The following SPECC1 variants were observed in gnomAD, a reference collection of about 807,000 sequenced individuals.
SPECC1 encodes cytospin-B.
SPECC1 carries 62 observed loss-of-function variants against 104.1 expected under a neutral mutation model. The observed-to-expected ratio is 0.60, with a 90% CI of 0.49 to 0.74. The LOEUF (loss-of-function observed/expected upper bound fraction) is 0.74. Among genes scored for constraint, SPECC1 ranks in the 30% least tolerant of loss-of-function variants. The pLI is 0.00. For synonymous variants in SPECC1, 513 were observed against 501.6 expected (o/e 1.02, Z -0.30); for missense variants, 1,306 against 1,310.5 (o/e 1.00, Z 0.05).
At chr17:20,225,299 A>G (rs367972176) in intron 4 of SPECC1, among the ~76,000 whole-genome samples, 4 of 152,164 alleles carry the variant, frequency 2.6e-5, no homozygotes, top group African/African-American at 9.7e-5. Context: ...GTGCACTCCA[A>G]GTCCACTGTC....
At chr17:20,067,521 C>A (rs1042093112) in intron 1 of SPECC1, 10 of 152,244 alleles carry the variant, frequency 6.6e-5, no homozygotes, top group African/African-American at 2.2e-4. Context: ...ACTGCATACA[C>A]TTTACAATTT....
rs1281993429 is a variant in SPECC1 at position 20,316,936 on chromosome 17, G to A, written c.*2871G>A. 2 of 216,514 alleles carry A rather than the reference G, an allele frequency of 9.2e-6. No homozygotes were observed. Among genetic ancestry groups the A allele is most frequent in the Non-Finnish European group, 1.9e-5 (2 of 107,550 alleles). 13.4% of individuals were successfully genotyped at this position (216,514 alleles called of 1,614,324 possible). A position where few individuals can be genotyped will look rare whatever the true frequency, so the allele number is the denominator to read the frequency against. ...CTGGGAGCCCAAGTTGCCAATGACTGTGGCCAAACTCCCCCATTTTTGTCT... is the reference window on the plus strand; with the variant it reads ...CTGGGAGCCCAAGTTGCCAATGACTATGGCCAAACTCCCCCATTTTTGTCT... On this transcript the variant is annotated 3_prime_UTR_variant, in exon 15 of 15. Coordinates refer to ENST00000395527, the MANE Select transcript of SPECC1 (RefSeq NM_001243439.2).
At chr17:20,127,746 C>T (rs978135747) in intron 3 of SPECC1, among the ~76,000 whole-genome samples, 5 of 151,988 alleles carry the variant, frequency 3.3e-5, no homozygotes, top group South Asian at 2.1e-4. Context: ...TTGTTGTTCT[C>T]ATTGTTACTT....
At chr17:20,089,593 T>C (rs1438412190) in intron 1 of SPECC1, among the ~76,000 whole-genome samples, 1 of 152,100 alleles carries the variant, frequency 6.6e-6, no homozygotes, top group Non-Finnish European at 1.5e-5. Flanking sequence ...GCCACAGCAC[T>C]CCAGCTTGGG....
intron 1 of SPECC1, among the ~76,000 whole-genome samples, chr17:20,080,246 A>T (rs1375437427): frequency 6.6e-6 from 1 of 152,168 alleles, no homozygotes; most frequent in Admixed American, 6.5e-5. Context: ...GATGCTATTT[A>T]TATGGGAGAA....
intron 2 of SPECC1, among the ~76,000 whole-genome samples, chr17:20,105,897 C>T (rs1055475139): frequency 1.3e-5 from 2 of 152,146 alleles, no homozygotes; most frequent in African/African-American, 4.8e-5. Context: ...GGTGGGATCT[C>T]CGAGGGGGTT....
intron 3 of SPECC1, among the ~76,000 whole-genome samples, chr17:20,158,435 A>G (rs1319227611): frequency 2.6e-5 from 4 of 152,228 alleles, no homozygotes; most frequent in Non-Finnish European, 5.9e-5. Flanking sequence ...GCTTTTGATC[A>G]TGATGCAGAC....
At chr17:20,196,143 A>G (rs2036019965) in intron 3 of SPECC1, among the ~76,000 whole-genome samples, 1 of 152,204 alleles carries the variant, frequency 6.6e-6, no homozygotes, top group Admixed American at 6.5e-5. Flanking sequence ...TTAACCCTTT[A>G]GGCAAAAAAC....
Position 20,314,365 on chromosome 17 carries a change from T to G in SPECC1, c.*300T>G. ...GACCCCACACCCAGGCTTGTTTTGC[T>G]GATTATATTGGGTGGCTGAACGAAC... On this transcript the variant is annotated 3_prime_UTR_variant, in exon 15 of 15. Transcript: ENST00000395527. The G allele has an allele frequency of 2.5e-6, 1 of 393,940 alleles. No individual in the cohort carries two copies. The highest frequency in any genetic ancestry group is 4.7e-6 in the Non-Finnish European group (1 of 211,136). The allele number at this position is 393,940 out of a possible 1,614,324, so 24.4% of individuals were successfully genotyped here.
chr17:20,010,721 T>C (rs2043913838), intron 1 of SPECC1, among the ~76,000 whole-genome samples: 1 of 152,254 alleles, frequency 6.6e-6, no homozygotes, highest in Admixed American at 6.5e-5. Flanking sequence ...TTGTCTTCCA[T>C]AGATTACTCT....
chr17:20,092,363 G>C (rs970259588), intron 1 of SPECC1, among the ~76,000 whole-genome samples: 1 of 150,596 alleles, frequency 6.6e-6, no homozygotes, highest in Non-Finnish European at 1.5e-5. Flanking sequence ...TGTTTATTTT[G>C]TATGGCTAAT....
Position 20,245,979 on chromosome 17 carries a change from C to T in SPECC1, c.2405C>T (p.Pro802Leu), listed in dbSNP as rs554263283. ...SSEVDAAGRW[P>L]GVCVSRTSPT... ...GAGGTCGATGCTGCTGGTCGGTGGC[C>T]TGGTGTCTGTGTTAGCAGAACATCT... The change falls in exon 8 of 15, where the codon CCT becomes CTT. Residue 802 changes from proline (P) to leucine (L), a missense_variant. Coordinates refer to ENST00000395527, the MANE Select transcript of SPECC1 (RefSeq NM_001243439.2). The T allele has an allele frequency of 3.1e-6, 5 of 1,614,138 alleles. No homozygotes were observed. The South Asian group carries it at 3.3e-5, about 11-fold the overall frequency.
intron 3 of SPECC1, among the ~76,000 whole-genome samples, chr17:20,177,078 G>A (rs968989376): frequency 6.6e-6 from 1 of 152,228 alleles, no homozygotes; most frequent in African/African-American, 2.4e-5. Context: ...ATAGAAGAGA[G>A]ATGTTTGAGC....
At chr17:20,095,341 C>T (rs2047594315) in intron 1 of SPECC1, among the ~76,000 whole-genome samples, 2 of 152,176 alleles carry the variant, frequency 1.3e-5, no homozygotes, top group African/African-American at 4.8e-5. Flanking sequence ...AATAGTTTTC[C>T]TTGGAAACAC....
At chr17:20,059,423 G>A (rs1353518385) in intron 1 of SPECC1, among the ~76,000 whole-genome samples, 1 of 152,130 alleles carries the variant, frequency 6.6e-6, no homozygotes. Flanking sequence ...AGGTGGTAAT[G>A]CTCGCTTGCC....
chr17:20,103,634 C>A (rs1438750792), intron 2 of SPECC1, among the ~76,000 whole-genome samples: 1 of 152,184 alleles, frequency 6.6e-6, no homozygotes, highest in East Asian at 1.9e-4. Flanking sequence ...GGAGCTGTTT[C>A]TCCTGCCGAT....
At chr17:20,166,285 C>A (rs960661330) in intron 3 of SPECC1, among the ~76,000 whole-genome samples, 1 of 152,188 alleles carries the variant, frequency 6.6e-6, no homozygotes, top group Non-Finnish European at 1.5e-5. Flanking sequence ...GAGAATTTAA[C>A]TGTCTTACAC....
chr17:20,205,436 A>G lies in SPECC1; in HGVS notation c.1387A>G (p.Ile463Val). 1 of 1,614,104 alleles carries G rather than the reference A, an allele frequency of 6.2e-7. No homozygotes were observed. The highest frequency in any genetic ancestry group is 8.5e-7 in the Non-Finnish European group (1 of 1,180,026). The change falls in exon 4 of 15, where the codon ATT (isoleucine) becomes GTT (valine). Residue 463 changes from isoleucine to valine, a missense_variant. By Grantham distance (29) the Ile-to-Val change is conservative. This residue lies in a region of SPECC1 where 1,177 missense variants were observed against 1,139.9 expected (regional missense o/e 1.03). Transcript: ENST00000395527. Reference sequence around the variant, plus strand: ...AGAGCCCACCACTCAGGAAGGAAAAATTATTGAACTGGAGCAGAAGTGCAC... The same window carrying G: ...AGAGCCCACCACTCAGGAAGGAAAAGTTATTGAACTGGAGCAGAAGTGCAC... ...NEEPTTQEGK[I>V]IELEQKCTGI...
intron 1 of SPECC1, among the ~76,000 whole-genome samples, chr17:20,043,024 A>C (rs1174874894): frequency 2.6e-5 from 4 of 152,152 alleles, no homozygotes; most frequent in Non-Finnish European, 5.9e-5. Flanking sequence ...GTTTTTAAAT[A>C]ATTAGTTTTG....
Sources: gnomAD v4.1 joint callset for allele counts (sites outside exome capture counted in the v4.1 genomes callset) on GRCh38, gnomAD v4.1.1 for gene constraint, gnomAD v4.1.1 regional missense constraint, MANE v1.5 for transcripts, NCBI Gene and HGNC (gene_info 2026-07-23, HGNC 2026-07-21) for gene names.